ALK: variants seen among roughly 807,000 people sequenced by gnomAD.
The protein encoded by ALK is ALK receptor tyrosine kinase.
A neutral mutation model predicts 163.1 loss-of-function variants in ALK; 74 were observed. The ratio of observed to expected loss-of-function variants is 0.45; its 90% CI spans 0.38 to 0.55. The LOEUF is 0.55. ALK is among the 20% of genes least tolerant of loss of function. ALK has a pLI of 0.00. For missense variants in ALK, 2,063 were observed against 2,105.3 expected (o/e 0.98, Z 0.39); for synonymous variants, 960 against 843.2 (o/e 1.14, Z -2.40).
intron 1 of ALK, among the ~76,000 whole-genome samples, chr2:29,795,026 A>G (rs915940596): frequency 2.0e-5 from 3 of 152,220 alleles, no homozygotes; most frequent in African/African-American, 4.8e-5. Context: ...CTGTGTTACA[A>G]CTGCATACAA....
intron 8 of ALK, among the ~76,000 whole-genome samples, chr2:29,308,083 T>A (rs1048196115): frequency 1.2e-4 from 19 of 152,078 alleles, no homozygotes; most frequent in Non-Finnish European, 2.6e-4. Context: ...TTTCCAATTT[T>A]TTTTTTTACA....
At chr2:29,352,962 T>C (rs375665309) in intron 5 of ALK, among the ~76,000 whole-genome samples, 1 of 152,192 alleles carries the variant, frequency 6.6e-6, no homozygotes, top group East Asian at 1.9e-4. Flanking sequence ...TAGTTTAACT[T>C]TGAAACAAAG....
intron 5 of ALK, among the ~76,000 whole-genome samples, chr2:29,339,974 A>T (rs936500398): frequency 6.6e-5 from 10 of 152,008 alleles, no homozygotes; most frequent in African/African-American, 2.2e-4. Context: ...GGAATTAAAA[A>T]TTTTCTTATT....
chr2:29,408,761 A>G (rs889556079), intron 4 of ALK, among the ~76,000 whole-genome samples: 11 of 152,142 alleles, frequency 7.2e-5, no homozygotes, highest in Non-Finnish European at 1.0e-4. Context: ...TTTTAGTTCT[A>G]TGAGTTTCAG....
rs371738899 is a variant in ALK, at chr2:29,296,880, G to C, written c.1817+8C>G. On this transcript the variant is annotated splice_region_variant and intron_variant, in intron 9 of 28. Coordinates refer to ENST00000389048, the MANE Select transcript of ALK (RefSeq NM_004304.5). The stretch of plus-strand genomic sequence containing the variant: ...AGAAGGGTATTGGGGGAGATGCATA[G>C]AGCCTACCTGTCAGACACATCGAGG... 11 of 1,613,986 alleles carry C rather than the reference G, an allele frequency of 6.8e-6. No homozygotes were observed. Among genetic ancestry groups the C allele is most frequent in the East Asian group, 2.2e-5 (1 of 44,882 alleles).
chr2:29,316,049 C>T (rs1264634987), intron 8 of ALK, among the ~76,000 whole-genome samples: 3 of 152,146 alleles, frequency 2.0e-5, no homozygotes, highest in African/African-American at 7.2e-5. Context: ...ACATAGTCCC[C>T]CAGAGAAATG....
intron 4 of ALK, among the ~76,000 whole-genome samples, chr2:29,492,386 A>G (rs879490952): frequency 3.2e-4 from 48 of 152,314 alleles, no homozygotes; most frequent in Admixed American, 2.8e-3. Flanking sequence ...GCCTGACCTT[A>G]TAAGAAGAGA....
intron 4 of ALK, among the ~76,000 whole-genome samples, chr2:29,386,982 GTGGC>G (rs1488973180): frequency 6.6e-6 from 1 of 152,166 alleles, no homozygotes; most frequent in Non-Finnish European, 1.5e-5. Context: ...CCTTCGGCTG[GTGGC>G]AATTCTACTT....
chr2:29,497,353 C>T (rs13407210), intron 4 of ALK, among the ~76,000 whole-genome samples: 68,239 of 151,848 alleles, frequency 0.45, 15,957 homozygotes, highest in Middle Eastern at 0.5. Flanking sequence ...TCCAGGTCTG[C>T]GTACCACTCC....
chr2:29,604,236 A>T (rs1675475472), intron 3 of ALK, among the ~76,000 whole-genome samples: 1 of 146,144 alleles, frequency 6.8e-6, no homozygotes, highest in East Asian at 2.3e-4. Context: ...TGACGTGAGG[A>T]TTACGTGAAA....
intron 3 of ALK, among the ~76,000 whole-genome samples, chr2:29,576,919 C>G (rs1192187134): frequency 6.6e-6 from 1 of 151,890 alleles, no homozygotes; most frequent in Non-Finnish European, 1.5e-5. Flanking sequence ...TCCACCAATT[C>G]TACATTATGG....
intron 3 of ALK, among the ~76,000 whole-genome samples, chr2:29,631,327 G>A (rs904678986): frequency 1.3e-5 from 2 of 152,224 alleles, no homozygotes; most frequent in African/African-American, 4.8e-5. Flanking sequence ...CATCAGATTA[G>A]AGCTGTAAGC....
chr2:29,804,836 T>C lies in ALK; in HGVS notation c.668-87139A>G, dbSNP rs569565055. 2.6e-5 allele frequency among the ~76,000 whole-genome samples: 4 copies of C among 152,364 alleles called. No individual in the cohort carries two copies. The East Asian group carries it at 5.8e-4, about 22-fold the overall frequency. On this transcript the variant is annotated intron_variant, in intron 1 of 28. Coordinates refer to ENST00000389048, the MANE Select transcript of ALK (RefSeq NM_004304.5). ...GCCTGTAAGATTTCCAGTTTATCTA[T>C]TGTTCCTGCATAACAGCACTGTATT...
chr2:29,664,463 T>C (rs1421785227), intron 3 of ALK, among the ~76,000 whole-genome samples: 2 of 152,160 alleles, frequency 1.3e-5, no homozygotes, highest in Non-Finnish European at 2.9e-5. Context: ...GGTCTTTATC[T>C]GTCACTTGAG....
intron 3 of ALK, among the ~76,000 whole-genome samples, chr2:29,647,228 G>A (rs528039832): frequency 2.6e-5 from 4 of 152,260 alleles, no homozygotes; most frequent in Admixed American, 2.6e-4. Flanking sequence ...GGCATGTAAG[G>A]CTTGTTCTCT....
At chr2:29,827,853 T>C (rs1665244879) in intron 1 of ALK, among the ~76,000 whole-genome samples, 1 of 152,188 alleles carries the variant, frequency 6.6e-6, no homozygotes, top group Admixed American at 6.5e-5. Context: ...GAGCCCGCAT[T>C]TCCAAGTCAA....
At chr2:29,302,065 G>A (rs1666388277) in intron 8 of ALK, among the ~76,000 whole-genome samples, 1 of 152,228 alleles carries the variant, frequency 6.6e-6, no homozygotes, top group Non-Finnish European at 1.5e-5. Context: ...CAAATGTTCT[G>A]ATTGTAGCAA....
chr2:29,293,911 T>A (rs1666109082), intron 9 of ALK, among the ~76,000 whole-genome samples: 5 of 152,102 alleles, frequency 3.3e-5, no homozygotes, highest in African/African-American at 1.2e-4. Flanking sequence ...AAAGTTACTT[T>A]AAAAATTTTG....
At chr2:29,258,902 T>C (rs1253271487) in intron 11 of ALK, among the ~76,000 whole-genome samples, 1 of 152,204 alleles carries the variant, frequency 6.6e-6, no homozygotes. Context: ...GGGTTGGTGA[T>C]TGTCTATTTT....
Sources: allele counts gnomAD v4.1 joint callset (sites outside exome capture counted in the v4.1 genomes callset), GRCh38; gene constraint gnomAD v4.1.1; transcripts MANE v1.5; gene names NCBI Gene and HGNC (gene_info 2026-07-23, HGNC 2026-07-21).